The following CPS1 variants were observed in gnomAD, a reference collection of about 807,000 sequenced individuals.
The protein encoded by CPS1 is carbamoyl-phosphate synthase [ammonia], mitochondrial.
A neutral mutation model predicts 174.6 loss-of-function variants in CPS1; 109 were observed. The ratio of observed to expected loss-of-function variants is 0.62; its 90% confidence interval spans 0.53 to 0.73. The LOEUF is 0.73. Ranked by LOEUF, CPS1 falls within the 30% of genes least tolerant of loss-of-function variation. The probability of loss-of-function intolerance (pLI) is 0.00; values close to 1 mark genes in which losing one functional copy is unlikely to be tolerated. For synonymous variants in CPS1, 637 were observed against 632.0 expected (o/e 1.01, Z -0.12); for missense variants, 1,689 against 1,821.9 (o/e 0.93, Z 1.33).
At chr2:210,665,148 T>G (rs1406331935) in intron 33 of CPS1, among the ~76,000 whole-genome samples, 1 of 152,178 alleles carries the variant, frequency 6.6e-6, no homozygotes. Flanking sequence ...TTGACCTTAT[T>G]TAAGTTAGTT....
intron 33 of CPS1, 47 bp from the exon 34 acceptor site, chr2:210,668,139 C>G: frequency 7.5e-7 from 1 of 1,327,158 alleles, no homozygotes; most frequent in Admixed American, 1.7e-5. Flanking sequence ...GAGTGGTTGA[C>G]TATTCTTTGC....
At chr2:210,556,525 T>C, upstream of CPS1, 1 of 1,443,004 alleles carries the variant, frequency 6.9e-7, no homozygotes, top group Non-Finnish European at 9.3e-7. Context: ...CTCTGGACAT[T>C]ACCTCAGGAG....
At position 210,660,482 on chromosome 2, in the gene CPS1, C is replaced by T; in HGVS notation, c.3757-3C>T. The T allele has an allele frequency of 6.2e-7, 1 of 1,613,938 alleles. No individual in the cohort carries two copies. The highest frequency in any genetic ancestry group is 1.1e-5 in the South Asian group (1 of 91,074). ...TTTCTCATTTTGAATTTTATCTCTT[C>T]AGGTGATTGAGTGTAACTTGAGAGC... is the stretch of plus-strand genomic sequence containing the variant. On this transcript the variant is annotated splice_polypyrimidine_tract_variant and splice_region_variant and intron_variant, in intron 31 of 37. Transcript: ENST00000233072.
At chr2:210,505,829 C>T (rs1030792892) in intron 1 of CPS1, among the ~76,000 whole-genome samples, 10 of 152,254 alleles carry the variant, frequency 6.6e-5, no homozygotes, top group South Asian at 4.1e-4. Context: ...AAGGTGGCAG[C>T]GAGGCTGGGG....
rs1250316045 is a variant in CPS1 at position 210,600,594 on chromosome 2, G to T, written c.1589G>T (p.Gly530Val). 6.8e-6 allele frequency: 11 copies of T among 1,612,276 alleles called. No individual in the cohort carries two copies. The highest frequency in any genetic ancestry group is 9.3e-6 in the Non-Finnish European group (11 of 1,178,866). ...LFKRGVLKEY[G>V]VKVLGTSVES... ...AAGAGAGGTGTGCTCAAGGAATATG[G>T]TGTGAAAGTCCTGGGAACTTCAGTT... Residue 530 changes from glycine to valine, a missense_variant, in exon 15 of 38, where the codon GGT becomes GTT. Transcript: ENST00000233072.
At chr2:210,496,792 G>C (rs181437699) in intron 1 of CPS1, among the ~76,000 whole-genome samples, 1 of 152,084 alleles carries the variant, frequency 6.6e-6, no homozygotes, top group Non-Finnish European at 1.5e-5. Flanking sequence ...ATAGCTGCAC[G>C]GCTCAGTGCC....
chr2:210,674,901 G>C lies in CPS1; in HGVS notation c.4102-1G>C. On this transcript the variant is annotated splice_acceptor_variant, in intron 34 of 37. Transcript: ENST00000233072. LOFTEE classifies it high-confidence loss of function. The stretch of plus-strand genomic sequence containing the variant: ...GTGAATTTTGTGAAATTCCTTTTCA[G>C]CAATCATTCCGGCCAAGATTCCTTG... The C allele has an allele frequency of 6.2e-7, 1 of 1,613,198 alleles. No individual in the cohort carries two copies.
At chr2:210,651,547 G>T (rs1700558993) in intron 28 of CPS1, among the ~76,000 whole-genome samples, 1 of 152,164 alleles carries the variant, frequency 6.6e-6, no homozygotes, top group African/African-American at 2.4e-5. Flanking sequence ...TCAGAGGCTG[G>T]CTACTGTACT....
intron 1 of CPS1, among the ~76,000 whole-genome samples, chr2:210,488,782 C>T (rs1201959897): frequency 6.6e-6 from 1 of 152,150 alleles, no homozygotes; most frequent in Non-Finnish European, 1.5e-5. Flanking sequence ...CCTATCTCCT[C>T]TTCCTCATTC....
At chr2:210,674,797 G>T in intron 34 of CPS1, 105 bp from the exon 35 acceptor site, 1 of 949,250 alleles carries the variant, frequency 1.1e-6, no homozygotes, top group Non-Finnish European at 1.7e-6. Flanking sequence ...TAAAGCATCC[G>T]GCAACATGTA....
chr2:210,626,951 G>A (rs1196827345), intron 21 of CPS1, among the ~76,000 whole-genome samples: 1 of 152,144 alleles, frequency 6.6e-6, no homozygotes, highest in Non-Finnish European at 1.5e-5. Flanking sequence ...CACGAGGTGT[G>A]TGTCATACTT....
At chr2:210,624,956 A>G (rs979291364) in intron 21 of CPS1, among the ~76,000 whole-genome samples, 1 of 152,090 alleles carries the variant, frequency 6.6e-6, no homozygotes, top group African/African-American at 2.4e-5. Flanking sequence ...ATGTGTATAT[A>G]TATCTATAAA....
chr2:210,496,558 G>C (rs553579902), intron 1 of CPS1, among the ~76,000 whole-genome samples: 1 of 152,328 alleles, frequency 6.6e-6, no homozygotes, highest in African/African-American at 2.4e-5. Flanking sequence ...ATGGAGGCTA[G>C]ATCATCTAGG....
chr2:210,582,652 G>A lies in CPS1; in HGVS notation c.564G>A (p.Gln188=), dbSNP rs1697962528. The A allele has an allele frequency of 6.2e-7, 1 of 1,613,302 alleles. No individual in the cohort carries two copies. Among genetic ancestry groups the A allele is most frequent in the Non-Finnish European group, 8.5e-7 (1 of 1,179,582 alleles). The change falls in exon 6 of 38, where the codon CAG becomes CAA. Residue 188 remains glutamine (Q), a synonymous_variant. Transcript: ENST00000233072. ...TMLGKIEFEG[Q]PVDFVDPNKQ... Reference sequence around the variant, plus strand: ...TTGGGAAGATTGAATTTGAAGGTCAGCCTGTGGATTTTGTGGATCCAAATA... The same window carrying A: ...TTGGGAAGATTGAATTTGAAGGTCAACCTGTGGATTTTGTGGATCCAAATA...
Position 210,608,537 on chromosome 2 carries a change from G to C in CPS1, c.2369G>C (p.Ser790Thr), listed in dbSNP as rs1343169126. The C allele has an allele frequency of 6.2e-7, 1 of 1,612,004 alleles. No individual in the cohort carries two copies. The highest frequency in any genetic ancestry group is 2.2e-5 in the East Asian group (1 of 44,774). ...RFHGTSSRIG[S>T]SMKSVGEVMA... ...CATGGAACATCTAGCCGAATTGGTAGCTCTATGAAAAGTGTAGGAGAGGTG... is the reference window on the plus strand; with the variant it reads ...CATGGAACATCTAGCCGAATTGGTACCTCTATGAAAAGTGTAGGAGAGGTG... The change falls in exon 19 of 38, where the codon AGC becomes ACC. Residue 790 changes from serine to threonine, a missense_variant. Transcript: ENST00000233072.
chr2:210,484,447 G>T (rs1283963198), intron 1 of CPS1, among the ~76,000 whole-genome samples: 1 of 152,134 alleles, frequency 6.6e-6, no homozygotes, highest in Non-Finnish European at 1.5e-5. Context: ...TTTTGAAACT[G>T]GCCAATTGTC....
At chr2:210,609,030 A>C (rs182685009) in intron 19 of CPS1, among the ~76,000 whole-genome samples, 1 of 152,040 alleles carries the variant, frequency 6.6e-6, no homozygotes, top group Non-Finnish European at 1.5e-5. Flanking sequence ...TCTATAAAAG[A>C]AGAGGCTGGA....
At chr2:210,670,596 G>A (rs1175120456) in intron 34 of CPS1, among the ~76,000 whole-genome samples, 1 of 152,024 alleles carries the variant, frequency 6.6e-6, no homozygotes, top group Admixed American at 6.6e-5. Context: ...AACACTTTTG[G>A]ATATATTAAG....
intron 19 of CPS1, among the ~76,000 whole-genome samples, chr2:210,610,292 T>C (rs1341211704): frequency 1.3e-5 from 2 of 151,976 alleles, no homozygotes; most frequent in East Asian, 3.9e-4. Flanking sequence ...TGAGGGATTT[T>C]GTTGTCAAAC....
Sources: allele counts gnomAD v4.1 joint callset (sites outside exome capture counted in the v4.1 genomes callset), GRCh38; gene constraint gnomAD v4.1.1; transcripts MANE v1.5; gene names NCBI Gene and HGNC (gene_info 2026-07-23, HGNC 2026-07-21).